The following DCDC1 variants were observed in gnomAD, a reference collection of about 807,000 sequenced individuals.
The protein encoded by DCDC1 is doublecortin domain containing 1.
A neutral mutation model predicts 178.3 loss-of-function variants in DCDC1; 200 were observed. That is an observed-to-expected ratio of 1.12 (90% CI 1.00 to 1.26). DCDC1 has a LOEUF of 1.26. Ranked by LOEUF, DCDC1 falls within the 50% of genes most tolerant of loss-of-function variation. The pLI, the probability that DCDC1 is intolerant of heterozygous loss-of-function variation, is 0.00. For synonymous variants in DCDC1, 690 were observed against 604.8 expected (o/e 1.14, Z -2.07); for missense variants, 1,983 against 1,749.2 (o/e 1.13, Z -2.38).
chr11:31,191,913 G>A (rs1342240703), intron 9 of DCDC1, among the ~76,000 whole-genome samples: 3 of 151,928 alleles, frequency 2.0e-5, no homozygotes, highest in East Asian at 1.9e-4. Context: ...TTTATATTAC[G>A]AATAAGTAGA....
chr11:31,106,410 G>C (rs905386464), intron 13 of DCDC1, among the ~76,000 whole-genome samples: 2 of 152,116 alleles, frequency 1.3e-5, no homozygotes, highest in Non-Finnish European at 2.9e-5. Context: ...CCTTTAAAAA[G>C]GGACAAAAAA....
intron 11 of DCDC1, among the ~76,000 whole-genome samples, chr11:31,115,981 T>TGGGGGGGGGG (rs548179744): frequency 1.3e-4 from 5 of 38,104 alleles, no homozygotes; most frequent in Non-Finnish European, 1.5e-4. Flanking sequence ...GCTGTGGCAG[T>TGGGGGGGGGG]GGGGGGGGGG....
At chr11:30,874,744 A>T (rs1451118009) in intron 38 of DCDC1, among the ~76,000 whole-genome samples, 1 of 152,114 alleles carries the variant, frequency 6.6e-6, no homozygotes, top group Non-Finnish European at 1.5e-5. Flanking sequence ...AGCTGGTCTC[A>T]CACAGCTGAC....
At chr11:31,241,925 A>G (rs1977190969) in intron 8 of DCDC1, among the ~76,000 whole-genome samples, 1 of 151,982 alleles carries the variant, frequency 6.6e-6, no homozygotes, top group African/African-American at 2.4e-5. Context: ...TTTATCACAG[A>G]TGAGTTGGAA....
intron 18 of DCDC1, among the ~76,000 whole-genome samples, chr11:31,070,264 G>A (rs927898980): frequency 2.0e-5 from 3 of 152,046 alleles, no homozygotes; most frequent in Non-Finnish European, 2.9e-5. Context: ...CTCCAAAATC[G>A]GAAACTCAAA....
chr11:30,953,191 AAAT>A (rs1394091888), intron 20 of DCDC1, among the ~76,000 whole-genome samples: 5 of 150,498 alleles, frequency 3.3e-5, no homozygotes, highest in South Asian at 2.1e-4. Context: ...ACAAATGAGA[AAAT>A]AAAATCAGAT....
At chr11:31,226,022 T>G (rs1336852303) in intron 9 of DCDC1, among the ~76,000 whole-genome samples, 1 of 152,028 alleles carries the variant, frequency 6.6e-6, no homozygotes, top group South Asian at 2.1e-4. Context: ...TATGAACTGA[T>G]AGGAGAATCT....
intron 9 of DCDC1, among the ~76,000 whole-genome samples, chr11:31,180,655 T>C (rs1438035074): frequency 6.6e-6 from 1 of 152,138 alleles, no homozygotes; most frequent in African/African-American, 2.4e-5. Flanking sequence ...CTGTGAGGAA[T>C]GGTGCACTCC....
rs953871346 is a variant in DCDC1, at chr11:30,919,005, C to G, written c.3293+1771G>C. On this transcript the variant is annotated intron_variant, in intron 25 of 38. Coordinates refer to ENST00000684477, the MANE Select transcript of DCDC1 (RefSeq NM_001387274.1). ...TTATGCATGTCCCTCCTTAAATCAT[C>G]CCATTTTTCAAATATGCAAAAAACT... is the stretch of plus-strand genomic sequence containing the variant. Among the ~76,000 whole-genome samples the G allele has an allele frequency of 1.4e-4, 21 of 152,126 alleles. No homozygotes were observed. In the South Asian group the frequency reaches 1.5e-3, roughly 11 times the overall value.
intron 22 of DCDC1, among the ~76,000 whole-genome samples, chr11:30,926,659 TA>T (rs1265101897): frequency 6.6e-6 from 1 of 152,242 alleles, no homozygotes; most frequent in Non-Finnish European, 1.5e-5. Flanking sequence ...CTTTACATTC[TA>T]ATACAAAATT....
At chr11:30,943,087 A>C (rs1261352997) in intron 21 of DCDC1, 1 of 151,814 alleles carries the variant, frequency 6.6e-6, no homozygotes, top group Non-Finnish European at 1.5e-5. Flanking sequence ...GTTCCCATGC[A>C]TGTCTTTATT....
At chr11:31,003,041 G>A (rs1452892337) in intron 20 of DCDC1, among the ~76,000 whole-genome samples, 1 of 151,368 alleles carries the variant, frequency 6.6e-6, no homozygotes, top group Non-Finnish European at 1.5e-5. Flanking sequence ...TCATTTTTGA[G>A]TTTAGTCCTT....
At chr11:31,353,189 G>A (rs1028001972) in intron 1 of DCDC1, among the ~76,000 whole-genome samples, 3 of 152,038 alleles carry the variant, frequency 2.0e-5, no homozygotes, top group African/African-American at 2.4e-5. Context: ...TCACAATCTC[G>A]GCAAGGTCTT....
chr11:31,135,522 C>T (rs1025700114), intron 10 of DCDC1, among the ~76,000 whole-genome samples: 2 of 152,018 alleles, frequency 1.3e-5, no homozygotes, highest in African/African-American at 4.8e-5. Flanking sequence ...TTTTTTCTAA[C>T]AAAAAGTTAG....
chr11:30,917,794 G>T (rs1475750518), intron 25 of DCDC1, among the ~76,000 whole-genome samples: 1 of 152,196 alleles, frequency 6.6e-6, no homozygotes, highest in Non-Finnish European at 1.5e-5. Context: ...CTCTAAGTAT[G>T]CGTACCTGTA....
intron 38 of DCDC1, among the ~76,000 whole-genome samples, chr11:30,871,200 T>C (rs1476494676): frequency 2.0e-5 from 3 of 151,988 alleles, no homozygotes; most frequent in Admixed American, 6.6e-5. Flanking sequence ...ACAGAAGCCA[T>C]GAGTAGGTAG....
intron 27 of DCDC1, among the ~76,000 whole-genome samples, chr11:30,914,075 C>A (rs1251801655): frequency 6.6e-6 from 1 of 152,252 alleles, no homozygotes; most frequent in Non-Finnish European, 1.5e-5. Flanking sequence ...GCTCCTAAAA[C>A]ACTGCCCTCA....
At chr11:31,091,916 G>T (rs542240537) in intron 16 of DCDC1, among the ~76,000 whole-genome samples, 1 of 152,074 alleles carries the variant, frequency 6.6e-6, no homozygotes, top group African/African-American at 2.4e-5. Flanking sequence ...CTTAACCTTT[G>T]TATCAATTTA....
intron 15 of DCDC1, among the ~76,000 whole-genome samples, chr11:31,096,262 G>A (rs1399277839): frequency 6.6e-6 from 1 of 152,060 alleles, no homozygotes; most frequent in Non-Finnish European, 1.5e-5. Context: ...ATTCTGGAGG[G>A]GAATCCCCAC....
Sources: allele counts gnomAD v4.1 joint callset (sites outside exome capture counted in the v4.1 genomes callset), GRCh38; gene constraint gnomAD v4.1.1; transcripts MANE v1.5; gene names NCBI Gene and HGNC (gene_info 2026-07-23, HGNC 2026-07-21).